The following DMD variants were observed in gnomAD, a reference collection of about 807,000 sequenced individuals.
The protein encoded by DMD is mutant dystrophin.
DMD carries 63 observed loss-of-function variants against 330.1 expected under a neutral mutation model. The ratio of observed to expected loss-of-function variants is 0.19; its 90% confidence interval spans 0.16 to 0.24. The LOEUF (loss-of-function observed/expected upper bound fraction) is 0.24, where lower values mean the gene tolerates loss of function less well. Ranked by LOEUF, DMD falls within the 10% of genes least tolerant of loss-of-function variation. The pLI, the probability that DMD is intolerant of heterozygous loss-of-function variation, is 1.00. For synonymous variants in DMD, 1,223 were observed against 959.8 expected (o/e 1.27, Z -5.07); for missense variants, 3,344 against 2,684.1 (o/e 1.25, Z -5.43).
At chrX:31,422,008 TATATATATAAACACACACAC>T (rs1441944524) in intron 60 of DMD, among the ~76,000 whole-genome samples, 6,750 of 80,651 alleles carry the variant, frequency 0.084, 516 homozygotes, top group East Asian at 0.34. Flanking sequence ...CACACATATA[TATATATATAAACACACACAC>T]ATATATATAT....
At position 31,551,243 on chromosome X, in the gene DMD, A is replaced by G. The variant is rs143669140; in HGVS notation, c.8218-43790T>C. On this transcript the variant is annotated intron_variant, in intron 55 of 78. Transcript: ENST00000357033. Reference sequence around the variant, plus strand: ...TACTAATCTGGGGAACTGGGGCTCAATGCTGTTGGGGATGCTCTGAGGATC... The same window carrying G: ...TACTAATCTGGGGAACTGGGGCTCAGTGCTGTTGGGGATGCTCTGAGGATC... Among the ~76,000 whole-genome samples, 174 of 110,024 alleles carry G rather than the reference A, an allele frequency of 1.6e-3. 1 individual carries two copies. The highest frequency in any genetic ancestry group is 5.7e-3 in the African/African-American group (172 of 30,079).
intron 30 of DMD, among the ~76,000 whole-genome samples, chrX:32,403,746 T>G (rs1455330160): frequency 1.8e-5 from 2 of 112,167 alleles, no homozygotes; most frequent in Non-Finnish European, 3.8e-5. Flanking sequence ...AGGTTTACCA[T>G]CTACTGGGCT....
intron 16 of DMD, among the ~76,000 whole-genome samples, chrX:32,556,232 A>G (rs765979264): frequency 2.7e-5 from 3 of 112,525 alleles, no homozygotes; most frequent in African/African-American, 9.7e-5. Context: ...ATCATTGATC[A>G]TGAGAGAAAT....
At chrX:32,304,053 C>T (rs186555632) in intron 42 of DMD, among the ~76,000 whole-genome samples, 428 of 111,518 alleles carry the variant, frequency 3.8e-3, no homozygotes, top group Non-Finnish European at 7.0e-3. Flanking sequence ...TTTCTAAACA[C>T]AGCTACGTAT....
chrX:32,189,866 ACTGT>A (rs1249909128), intron 44 of DMD, among the ~76,000 whole-genome samples: 11 of 111,035 alleles, frequency 9.9e-5, no homozygotes, highest in Non-Finnish European at 1.7e-4. Context: ...CACTTATCAT[ACTGT>A]ATTGTTTTGT....
chrX:31,427,748 T>C (rs1022572087), intron 60 of DMD, among the ~76,000 whole-genome samples: 1 of 111,321 alleles, frequency 9.0e-6, no homozygotes, highest in Non-Finnish European at 1.9e-5. Context: ...ATTGGTGGGA[T>C]GGGCAATGTA....
At chrX:32,783,593 T>G (rs7889302) in intron 7 of DMD, among the ~76,000 whole-genome samples, 1 of 110,248 alleles carries the variant, frequency 9.1e-6, no homozygotes, top group Admixed American at 9.7e-5. Context: ...ATAACAAAAA[T>G]GCATGTGTAA....
At chrX:32,138,233 C>T (rs776447185) in intron 44 of DMD, among the ~76,000 whole-genome samples, 9 of 110,600 alleles carry the variant, frequency 8.1e-5, no homozygotes, top group Non-Finnish European at 1.3e-4. Context: ...ATTCCTTTCC[C>T]TATATATTTT....
chrX:31,662,263 G>A (rs907756690), intron 53 of DMD, among the ~76,000 whole-genome samples: 3 of 111,578 alleles, frequency 2.7e-5, no homozygotes, highest in East Asian at 2.8e-4. Context: ...TGGCGTGCCC[G>A]AAGGATTAAA....
chrX:31,276,761 C>T (rs1388843150), intron 62 of DMD, among the ~76,000 whole-genome samples: 1 of 111,926 alleles, frequency 8.9e-6, no homozygotes. Context: ...AACAATCCAC[C>T]ACTTCATACA....
At chrX:32,873,747 C>A (rs763484613) in intron 2 of DMD, among the ~76,000 whole-genome samples, 17 of 111,942 alleles carry the variant, frequency 1.5e-4, no homozygotes, top group African/African-American at 5.5e-4. Flanking sequence ...TTTGCTTCTC[C>A]AAAGTCGAAT....
chrX:32,721,050 T>C (rs749937683), intron 7 of DMD, among the ~76,000 whole-genome samples: 16 of 110,085 alleles, frequency 1.5e-4, no homozygotes, highest in Non-Finnish European at 2.8e-4. Flanking sequence ...GCACTATCTT[T>C]TGTGAGGCTG....
At chrX:33,231,404 G>T (rs776056555) in intron 1 of DMD, among the ~76,000 whole-genome samples, 5 of 112,061 alleles carry the variant, frequency 4.5e-5, no homozygotes, top group Non-Finnish European at 9.4e-5. Flanking sequence ...GTCATGAAAA[G>T]TAGAAATTGT....
In DMD at chrX:32,649,897, G is replaced by A. The variant is rs992566251; in HGVS notation, c.961-4745C>T. Among the ~76,000 whole-genome samples the A allele has an allele frequency of 8.6e-4, 96 of 111,504 alleles. 1 individual carries two copies. Among genetic ancestry groups the A allele is most frequent in the African/African-American group, 2.8e-3 (87 of 30,671 alleles). On this transcript the variant is annotated intron_variant, in intron 9 of 78. Transcript: ENST00000357033. Reference sequence around the variant, plus strand: ...AATAAAAATATACGTACGTAAGGCTGCTGGAAAGATTAGATGAGATAGTGC... The same window carrying A: ...AATAAAAATATACGTACGTAAGGCTACTGGAAAGATTAGATGAGATAGTGC...
intron 16 of DMD, among the ~76,000 whole-genome samples, chrX:32,546,267 A>G (rs772289071): frequency 9.3e-6 from 1 of 107,442 alleles, no homozygotes; most frequent in South Asian, 4.2e-4. Flanking sequence ...TTGGGATGGT[A>G]ATCATTATCC....
At chrX:32,680,869 C>T (rs982771405) in intron 9 of DMD, among the ~76,000 whole-genome samples, 8 of 111,211 alleles carry the variant, frequency 7.2e-5, no homozygotes, top group Non-Finnish European at 1.3e-4. Flanking sequence ...GGCTACGCCC[C>T]TTATATTTGA....
In DMD at chrX:32,473,748, T is replaced by C. The variant is rs939167008; in HGVS notation, c.2804-1439A>G. On this transcript the variant is annotated intron_variant, in intron 21 of 78. Transcript: ENST00000357033. ...AGATTATATTTAATCTGAGCACTTCTGATTTCTTATTAAAAGATATTTGTA... is the reference window on the plus strand; with the variant it reads ...AGATTATATTTAATCTGAGCACTTCCGATTTCTTATTAAAAGATATTTGTA... Among the ~76,000 whole-genome samples the C allele has an allele frequency of 1.9e-4, 21 of 111,869 alleles. 2 individuals are homozygous for C. The highest frequency in any genetic ancestry group is 1.8e-3 in the Admixed American group (19 of 10,474).
intron 61 of DMD, among the ~76,000 whole-genome samples, chrX:31,330,659 C>A (rs892003276): frequency 3.6e-5 from 4 of 112,160 alleles, no homozygotes; most frequent in Non-Finnish European, 1.9e-5. Context: ...TTCTTTATAA[C>A]GTTAAATTAT....
intron 7 of DMD, among the ~76,000 whole-genome samples, chrX:32,790,161 C>T (rs940511145): frequency 9.0e-6 from 1 of 111,109 alleles, no homozygotes; most frequent in African/African-American, 3.3e-5. Flanking sequence ...ACCAAAGTAC[C>T]AAGTAGATAA....
Sources: gnomAD v4.1 joint callset for allele counts (sites outside exome capture counted in the v4.1 genomes callset) on GRCh38, gnomAD v4.1.1 for gene constraint, MANE v1.5 for transcripts, NCBI Gene and HGNC (gene_info 2026-07-23, HGNC 2026-07-21) for gene names.